Variants in EPHA3 observed in about 807,000 individuals in gnomAD.
EPHA3 encodes EPH receptor A3, also known as ephrin type-A receptor 3.
In EPHA3, 42 loss-of-function variants were observed where a neutral mutation model predicts 107.1. The observed-to-expected ratio is 0.39, with a 90% CI of 0.31 to 0.51. The LOEUF (loss-of-function observed/expected upper bound fraction) is 0.51. Ranked by LOEUF, EPHA3 falls within the 20% of genes least tolerant of loss-of-function variation. The pLI is 0.78. For synonymous variants in EPHA3, 461 were observed against 424.8 expected, an observed-to-expected ratio of 1.09 and a Z score of -1.05; for missense variants, 1,183 against 1,211.2, an observed-to-expected ratio of 0.98 and a Z score of 0.35.
chr3:89,161,991 T>TAATAATAGTAATAATAATA lies in EPHA3; in HGVS notation c.153+34726_153+34744dup, dbSNP rs1553707261. ...AGACTCTGTCTCAAAATAATAATAA[T>TAATAATAGTAATAATAATA]AATAATAGTAATAATAATAAATAAT... On this transcript the variant is annotated intron_variant, in intron 2 of 16. Coordinates refer to ENST00000336596, the MANE Select transcript of EPHA3 (RefSeq NM_005233.6). Among the ~76,000 whole-genome samples the TAATAATAGTAATAATAATA allele has an allele frequency of 9.8e-4, 147 of 149,842 alleles. No individual in the cohort carries two copies. The East Asian group carries it at 0.028, about 29-fold the overall frequency.
chr3:89,357,050 G>A (rs1175188985), intron 5 of EPHA3, among the ~76,000 whole-genome samples: 1 of 128,250 alleles, frequency 7.8e-6, no homozygotes, highest in African/African-American at 2.9e-5. Flanking sequence ...GTAGGTTGCA[G>A]TGAGCCGAGA....
chr3:89,451,849 CTTAAG>C (rs1200492788), intron 15 of EPHA3, among the ~76,000 whole-genome samples: 8 of 151,502 alleles, frequency 5.3e-5, no homozygotes, highest in Admixed American at 4.6e-4. Flanking sequence ...TGCATTTTGT[CTTAAG>C]TTATCTGTTT....
chr3:89,307,559 A>T (rs1483071619), intron 3 of EPHA3, among the ~76,000 whole-genome samples: 1 of 152,052 alleles, frequency 6.6e-6, no homozygotes, highest in Non-Finnish European at 1.5e-5. Flanking sequence ...TTGGATTAGG[A>T]TCATCTCTCT....
chr3:89,426,786 G>A (rs1709466442), intron 11 of EPHA3, among the ~76,000 whole-genome samples: 2 of 151,798 alleles, frequency 1.3e-5, no homozygotes, highest in Admixed American at 6.6e-5. Context: ...TTGAATTTTG[G>A]TAACATATCA....
chr3:89,338,169 G>T (rs1707434952), intron 3 of EPHA3, among the ~76,000 whole-genome samples: 1 of 152,190 alleles, frequency 6.6e-6, no homozygotes, highest in Non-Finnish European at 1.5e-5. Context: ...GAAGGATTTG[G>T]CTGGCTTCAT....
intron 3 of EPHA3, among the ~76,000 whole-genome samples, chr3:89,279,440 T>G (rs1342771152): frequency 6.6e-6 from 1 of 152,176 alleles, no homozygotes; most frequent in South Asian, 2.1e-4. Context: ...TTTAAATTTT[T>G]GGGTTTTTCA....
At chr3:89,314,402 C>A (rs1428033597) in intron 3 of EPHA3, among the ~76,000 whole-genome samples, 1 of 151,310 alleles carries the variant, frequency 6.6e-6, no homozygotes, top group Non-Finnish European at 1.5e-5. Context: ...TTTTTTCAAA[C>A]AAAGATCTTT....
chr3:89,350,794 T>C (rs9756629), intron 5 of EPHA3, among the ~76,000 whole-genome samples: 2,393 of 150,934 alleles, frequency 0.016, 67 homozygotes, highest in African/African-American at 0.052. Context: ...GATGGGTTTT[T>C]GGTGTGGATG....
intron 5 of EPHA3, among the ~76,000 whole-genome samples, chr3:89,359,540 T>C (rs1195179012): frequency 6.7e-6 from 1 of 150,302 alleles, no homozygotes; most frequent in Non-Finnish European, 1.5e-5. Flanking sequence ...GTAATACTGG[T>C]ATTTACACAC....
chr3:89,457,634 G>A (rs769599965), intron 15 of EPHA3, among the ~76,000 whole-genome samples: 10 of 152,224 alleles, frequency 6.6e-5, no homozygotes, highest in Non-Finnish European at 8.8e-5. Flanking sequence ...TAGATGATTC[G>A]TCAGGTGATG....
At chr3:89,288,230 A>G (rs539278329) in intron 3 of EPHA3, among the ~76,000 whole-genome samples, 2 of 152,234 alleles carry the variant, frequency 1.3e-5, no homozygotes, top group East Asian at 3.9e-4. Flanking sequence ...AGGCTAGAGT[A>G]CATATGAATT....
At chr3:89,228,087 A>C (rs1704540200) in intron 3 of EPHA3, among the ~76,000 whole-genome samples, 1 of 151,704 alleles carries the variant, frequency 6.6e-6, no homozygotes, top group South Asian at 2.1e-4. Context: ...TGTAACTTTG[A>C]CTTTGGTATC....
chr3:89,223,966 A>G (rs1232825902), intron 3 of EPHA3, among the ~76,000 whole-genome samples: 1 of 152,174 alleles, frequency 6.6e-6, no homozygotes, highest in Non-Finnish European at 1.5e-5. Context: ...AAATTCTTTC[A>G]ATGCCTGGTT....
Position 89,366,253 on chromosome 3 carries a change from A to G in EPHA3, c.1306+24163A>G, listed in dbSNP as rs571128615. Among the ~76,000 whole-genome samples the G allele has an allele frequency of 2.7e-5, 4 of 150,808 alleles. No individual in the cohort carries two copies. The East Asian group carries it at 7.8e-4, about 29-fold the overall frequency. ...TGGTTCCAGAACCAACTCAGCATCAACAATACCAACAGGCAGAGGGGAATA... is the reference window on the plus strand; with the variant it reads ...TGGTTCCAGAACCAACTCAGCATCAGCAATACCAACAGGCAGAGGGGAATA... On this transcript the variant is annotated intron_variant, in intron 5 of 16. Transcript: ENST00000336596.
intron 3 of EPHA3, among the ~76,000 whole-genome samples, chr3:89,260,746 G>T (rs1392753511): frequency 6.6e-6 from 1 of 152,112 alleles, no homozygotes; most frequent in Non-Finnish European, 1.5e-5. Flanking sequence ...TCTTCAGCTT[G>T]CTCTATTGAC....
intron 3 of EPHA3, among the ~76,000 whole-genome samples, chr3:89,233,892 T>C (rs1704692734): frequency 1.3e-5 from 2 of 152,208 alleles, no homozygotes; most frequent in South Asian, 2.1e-4. Context: ...AAATTACTAG[T>C]GTCATAGTTA....
At chr3:89,427,139 A>C (rs1419844958) in intron 11 of EPHA3, among the ~76,000 whole-genome samples, 1 of 151,924 alleles carries the variant, frequency 6.6e-6, no homozygotes, top group East Asian at 1.9e-4. Context: ...TAAAGACATA[A>C]ATCAGTGTCT....
Position 89,107,656 on chromosome 3 carries a change from T to C in EPHA3, c.-93T>C. 5.2e-6 allele frequency: 6 copies of C among 1,164,104 alleles called. No homozygotes were observed. Among genetic ancestry groups the C allele is most frequent in the South Asian group, 1.3e-5 (1 of 77,660 alleles). 72.1% of individuals were successfully genotyped at this position (1,164,104 alleles called of 1,614,324 possible). A position where few individuals can be genotyped will look rare whatever the true frequency, so the allele number is the denominator to read the frequency against. On this transcript the variant is annotated 5_prime_UTR_variant, in exon 1 of 17. It removes an upstream start codon present in the reference 5' UTR. Coordinates refer to ENST00000336596, the MANE Select transcript of EPHA3 (RefSeq NM_005233.6). ...TTGACATCAGCCTGCGAGCGGAGCATGGTAACTTCTCCAGCAATCAGAGCG... is the reference window on the plus strand; with the variant it reads ...TTGACATCAGCCTGCGAGCGGAGCACGGTAACTTCTCCAGCAATCAGAGCG...
chr3:89,297,917 C>A (rs12489114), intron 3 of EPHA3, among the ~76,000 whole-genome samples: 10,397 of 152,148 alleles, frequency 0.068, 473 homozygotes, highest in Middle Eastern at 0.14. Flanking sequence ...TGCCTGTAAT[C>A]CCGGCTACTC....
Sources: gnomAD v4.1 joint callset for allele counts (sites outside exome capture counted in the v4.1 genomes callset) on GRCh38, gnomAD v4.1.1 for gene constraint, MANE v1.5 for transcripts, NCBI Gene and HGNC (gene_info 2026-07-23, HGNC 2026-07-21) for gene names.